The following NEXMIF variants were observed in gnomAD, a reference collection of about 807,000 sequenced individuals.
NEXMIF encodes the protein neurite extension and migration factor.
NEXMIF carries 8 observed loss-of-function variants against 62.1 expected under a neutral mutation model. The observed-to-expected ratio is 0.13, with a 90% CI of 0.08 to 0.23. The LOEUF is 0.23. NEXMIF is among the 10% of genes least tolerant of loss of function. The pLI is 1.00. For synonymous variants in NEXMIF, 404 were observed against 416.6 expected, an observed-to-expected ratio of 0.97 and a Z score of 0.37; for missense variants, 976 against 1,113.3, an observed-to-expected ratio of 0.88 and a Z score of 1.75.
intron 1 of NEXMIF, among the ~76,000 whole-genome samples, chrX:74,901,839 T>C (rs759088458): frequency 3.1e-4 from 35 of 111,360 alleles, no homozygotes; most frequent in African/African-American, 1.1e-3. Flanking sequence ...CTACCAGAAA[T>C]TGAAGTCCTG....
intron 1 of NEXMIF, among the ~76,000 whole-genome samples, chrX:74,776,228 CACAG>C (rs1451126409): frequency 9.0e-6 from 1 of 111,682 alleles, no homozygotes; most frequent in Non-Finnish European, 1.9e-5. Flanking sequence ...GAACAGGCGG[CACAG>C]ACAGTGTTTG....
rs763504885 is a variant in NEXMIF at position 74,897,888 on chromosome X, A to G, written c.-48+26995T>C. Among the ~76,000 whole-genome samples, 19 of 112,656 alleles carry G rather than the reference A, an allele frequency of 1.7e-4. No individual in the cohort carries two copies. In the East Asian group the frequency reaches 2.2e-3, roughly 13 times the overall value. On this transcript the variant is annotated intron_variant, in intron 1 of 3. Coordinates refer to ENST00000055682, the MANE Select transcript of NEXMIF (RefSeq NM_001008537.3). ...ATGGCCAAAGCTGAAACAATTTGAG[A>G]AACAAAATAAAGCAGTATTGGACTA...
chrX:74,859,398 T>C (rs2080547411), intron 1 of NEXMIF, among the ~76,000 whole-genome samples: 1 of 111,536 alleles, frequency 9.0e-6, no homozygotes, highest in South Asian at 3.7e-4. Flanking sequence ...CCTAAAATAG[T>C]ATATCCCGTG....
intron 1 of NEXMIF, among the ~76,000 whole-genome samples, chrX:74,787,424 T>C (rs1269738183): frequency 8.9e-6 from 1 of 112,048 alleles, no homozygotes; most frequent in Admixed American, 9.5e-5. Context: ...CATAGCTAAT[T>C]AGTTGTTACT....
At chrX:74,765,712 C>T (rs1209624764) in intron 1 of NEXMIF, among the ~76,000 whole-genome samples, 3 of 109,613 alleles carry the variant, frequency 2.7e-5, no homozygotes, top group Non-Finnish European at 5.7e-5. Context: ...ATGAAATTCT[C>T]GGTTGAAGAT....
intron 1 of NEXMIF, among the ~76,000 whole-genome samples, chrX:74,834,872 A>C (rs1172372538): frequency 1.8e-5 from 2 of 111,592 alleles, no homozygotes; most frequent in Non-Finnish European, 3.8e-5. Context: ...CTTTGATATT[A>C]TCCCCCTGAA....
intron 1 of NEXMIF, among the ~76,000 whole-genome samples, chrX:74,818,265 A>T (rs967965393): frequency 9.0e-6 from 1 of 111,625 alleles, no homozygotes; most frequent in East Asian, 2.8e-4. Context: ...GTACTGGTAC[A>T]AAAACAGACA....
chrX:74,859,724 AT>A (rs2080549302), intron 1 of NEXMIF, among the ~76,000 whole-genome samples: 1 of 111,617 alleles, frequency 9.0e-6, no homozygotes, highest in African/African-American at 3.2e-5. Flanking sequence ...ACAATAAGAT[AT>A]AAATAGAAAC....
chrX:74,769,470 A>C (rs2080203665), intron 1 of NEXMIF, among the ~76,000 whole-genome samples: 3 of 112,021 alleles, frequency 2.7e-5, no homozygotes, highest in South Asian at 7.4e-4. Context: ...TAAAAGGAAA[A>C]TCAAATGCCA....
chrX:74,743,657 T>C lies in NEXMIF; in HGVS notation c.900A>G (p.Glu300=). 3 of 1,211,177 alleles carry C rather than the reference T, an allele frequency of 2.5e-6. No homozygotes were observed. Among genetic ancestry groups the C allele is most frequent in the South Asian group, 1.8e-5 (1 of 56,972 alleles). ...AGCAGACATCACTGCCTAGTGTTGA[T>C]TCATCATCATCAAACATGTAGTTAT... ...DVDNYMFDDD[E]STLGSDVCSL... is the part of the protein sequence containing the mutation. Residue 300 remains glutamate, a synonymous_variant, in exon 3 of 4, where the codon GAA becomes GAG. Transcript: ENST00000055682.
intron 1 of NEXMIF, among the ~76,000 whole-genome samples, chrX:74,923,935 G>A (rs1055679154): frequency 8.9e-6 from 1 of 112,685 alleles, no homozygotes; most frequent in Non-Finnish European, 1.9e-5. Context: ...AATGCAACCA[G>A]AAGCTTGATA....
chrX:74,806,200 T>G (rs1165214268), intron 1 of NEXMIF, among the ~76,000 whole-genome samples: 2 of 111,327 alleles, frequency 1.8e-5, no homozygotes, highest in African/African-American at 6.5e-5. Flanking sequence ...CTTTCATGGA[T>G]CACGCCTTTG....
intron 1 of NEXMIF, among the ~76,000 whole-genome samples, chrX:74,873,786 T>C: frequency 8.9e-6 from 1 of 112,438 alleles, no homozygotes; most frequent in African/African-American, 3.2e-5. Context: ...TGCATAAATG[T>C]CTTTTTTTCA....
rs2080100008 is a variant in NEXMIF, at chrX:74,740,820, C to T, written c.3737G>A (p.Ser1246Asn). ...KMQIGIGRGG[S>N]QTNTISSTGK... is the part of the protein sequence containing the mutation. ...AGTGGAGGATATGGTGTTGGTTTGG[C>T]TTCCCCCACGGCCAATGCCAATTTG... The change falls in exon 3 of 4, where the codon AGC becomes AAC. Residue 1246 changes from serine to asparagine, a missense_variant. By Grantham distance (46) the Ser-to-Asn change is conservative (BLOSUM62 1). Coordinates refer to ENST00000055682, the MANE Select transcript of NEXMIF (RefSeq NM_001008537.3). 1 of 1,210,793 alleles carries T rather than the reference C, an allele frequency of 8.3e-7. No individual in the cohort carries two copies. The highest frequency in any genetic ancestry group is 2.2e-5 in the Admixed American group (1 of 45,903).
At position 74,826,206 on chromosome X, in the gene NEXMIF, C is replaced by T. The variant is rs7882811; in HGVS notation, c.-47-80509G>A. On this transcript the variant is annotated intron_variant, in intron 1 of 3. Coordinates refer to ENST00000055682, the MANE Select transcript of NEXMIF (RefSeq NM_001008537.3). ...TTATTTTTTGGCTTTTTAGTAATAGCCATTCTGACTAGCATGAAATGGCAT... is the reference window on the plus strand; with the variant it reads ...TTATTTTTTGGCTTTTTAGTAATAGTCATTCTGACTAGCATGAAATGGCAT... Among the ~76,000 whole-genome samples the T allele has an allele frequency of 1.6e-3, 183 of 112,054 alleles. 1 individual carries two copies. Among genetic ancestry groups the T allele is most frequent in the African/African-American group, 5.8e-3 (179 of 30,852 alleles).
intron 1 of NEXMIF, among the ~76,000 whole-genome samples, chrX:74,870,128 T>C (rs1211736996): frequency 1.8e-5 from 2 of 111,352 alleles, no homozygotes; most frequent in African/African-American, 6.5e-5. Context: ...AACAGATACA[T>C]ATATCAGTGG....
At position 74,794,299 on chromosome X, in the gene NEXMIF, G is replaced by C. The variant is rs761274910; in HGVS notation, c.-47-48602C>G. Reference sequence around the variant, plus strand: ...CAGTTAGGCTGCTCGGGGGTCAGGGGTCAGGGACCCACTTGAGGAGGCAGT... The same window carrying C: ...CAGTTAGGCTGCTCGGGGGTCAGGGCTCAGGGACCCACTTGAGGAGGCAGT... On this transcript the variant is annotated intron_variant, in intron 1 of 3. Transcript: ENST00000055682. Among the ~76,000 whole-genome samples, 64 of 106,336 alleles carry C rather than the reference G, an allele frequency of 6.0e-4. No individual in the cohort carries two copies. The South Asian group carries it at 0.028, about 47-fold the overall frequency. The allele number at this position is 106,336 out of a possible 115,157, so 92.3% of individuals were successfully genotyped here. A position where few individuals can be genotyped will look rare whatever the true frequency, so the allele number is the denominator to read the frequency against.
intron 1 of NEXMIF, among the ~76,000 whole-genome samples, chrX:74,828,454 A>G (rs2798171): frequency 0.079 from 8,769 of 111,568 alleles, 843 homozygotes; most frequent in African/African-American, 0.27. Flanking sequence ...TAACCATAAA[A>G]TTGATCAACC....
chrX:74,876,767 A>G (rs1187343912), intron 1 of NEXMIF, among the ~76,000 whole-genome samples: 2 of 99,694 alleles, frequency 2.0e-5, no homozygotes, highest in Non-Finnish European at 4.1e-5. Context: ...GTCTCTTTTG[A>G]TCTTTGTTGG....
Sources: gnomAD v4.1 joint callset for allele counts (sites outside exome capture counted in the v4.1 genomes callset) on GRCh38, gnomAD v4.1.1 for gene constraint, MANE v1.5 for transcripts, NCBI Gene and HGNC (gene_info 2026-07-23, HGNC 2026-07-21) for gene names.